The following FAM135B variants were observed in gnomAD, a reference collection of about 807,000 sequenced individuals.
FAM135B encodes family with sequence similarity 135 member B.
In FAM135B, 43 loss-of-function variants were observed where a neutral mutation model predicts 127.7. The ratio of observed to expected loss-of-function variants is 0.34; its 90% CI spans 0.26 to 0.43. The LOEUF (loss-of-function observed/expected upper bound fraction) is 0.43. FAM135B is among the 20% of genes least tolerant of loss of function. FAM135B has a pLI of 1.00. For missense variants in FAM135B, 1,558 were observed against 1,725.6 expected (o/e 0.90, Z 1.72); for synonymous variants, 670 against 665.1 (o/e 1.01, Z -0.11).
intron 7 of FAM135B, among the ~76,000 whole-genome samples, chr8:138,219,531 G>A (rs1818859749): frequency 6.6e-6 from 1 of 152,182 alleles, no homozygotes; most frequent in Admixed American, 6.5e-5. Context: ...CATAAAATCT[G>A]CGTAAATATT....
chr8:138,326,613 G>A (rs568399155), intron 2 of FAM135B, among the ~76,000 whole-genome samples: 2 of 152,212 alleles, frequency 1.3e-5, no homozygotes, highest in East Asian at 1.9e-4. Context: ...CAGAAGGTGG[G>A]AGAAGAGTTG....
chr8:138,137,799 C>A (rs1050590518), intron 18 of FAM135B, among the ~76,000 whole-genome samples: 2 of 152,154 alleles, frequency 1.3e-5, no homozygotes, highest in African/African-American at 4.8e-5. Flanking sequence ...CCCCACAATG[C>A]AGACAGAGGG....
At chr8:138,382,020 T>C (rs1831888303) in intron 1 of FAM135B, among the ~76,000 whole-genome samples, 1 of 152,086 alleles carries the variant, frequency 6.6e-6, no homozygotes, top group South Asian at 2.1e-4. Context: ...AGACATGCTA[T>C]CTGTTTGTGC....
intron 1 of FAM135B, among the ~76,000 whole-genome samples, chr8:138,445,965 A>C (rs1379249228): frequency 1.4e-5 from 2 of 148,024 alleles, no homozygotes; most frequent in African/African-American, 5.3e-5. Flanking sequence ...GTCTCAGCAT[A>C]CAAAATCAAT....
At chr8:138,226,142 G>T (rs1448548679) in intron 7 of FAM135B, among the ~76,000 whole-genome samples, 1 of 126,148 alleles carries the variant, frequency 7.9e-6, no homozygotes, top group East Asian at 2.6e-4. Flanking sequence ...AATTTTCTGG[G>T]GACCCACCGT....
intron 2 of FAM135B, among the ~76,000 whole-genome samples, chr8:138,343,430 G>C (rs559380291): frequency 6.6e-6 from 1 of 152,310 alleles, no homozygotes; most frequent in African/African-American, 2.4e-5. Context: ...AAGGGCCTCA[G>C]GACTCTGAAA....
At chr8:138,334,404 T>C (rs986938059) in intron 2 of FAM135B, among the ~76,000 whole-genome samples, 5 of 152,236 alleles carry the variant, frequency 3.3e-5, no homozygotes, top group African/African-American at 1.2e-4. Context: ...AAAACTTTTA[T>C]TTTAAGTTCA....
intron 3 of FAM135B, among the ~76,000 whole-genome samples, chr8:138,267,050 A>C (rs1822995660): frequency 6.6e-6 from 1 of 152,190 alleles, no homozygotes; most frequent in Non-Finnish European, 1.5e-5. Flanking sequence ...CTAAATATGC[A>C]CTTGTTATGA....
chr8:138,175,384 T>C (rs992796479), intron 11 of FAM135B, among the ~76,000 whole-genome samples: 1 of 152,106 alleles, frequency 6.6e-6, no homozygotes, highest in Non-Finnish European at 1.5e-5. Context: ...TCTGTCTACC[T>C]AAACAATATT....
intron 2 of FAM135B, among the ~76,000 whole-genome samples, chr8:138,366,195 A>G (rs995182528): frequency 2.0e-5 from 3 of 152,190 alleles, no homozygotes; most frequent in Non-Finnish European, 4.4e-5. Context: ...CTATCTGGTA[A>G]ATGAAGATAA....
chr8:138,452,515 C>A lies in FAM135B; in HGVS notation c.-20+44156G>T, dbSNP rs145996298. Among the ~76,000 whole-genome samples, 819 of 152,226 alleles carry A rather than the reference C, an allele frequency of 5.4e-3. 11 individuals carry two copies. Among genetic ancestry groups the A allele is most frequent in the African/African-American group, 0.019 (784 of 41,540 alleles). On this transcript the variant is annotated intron_variant, in intron 1 of 19. Transcript: ENST00000395297. ...AAATAAAAGTGTCCACACCAAGACA[C>A]AAAGAAGTGGCGCGAGCTTCAGCTT...
At chr8:138,149,019 T>C (rs1462926776) in intron 13 of FAM135B, among the ~76,000 whole-genome samples, 3 of 148,324 alleles carry the variant, frequency 2.0e-5, no homozygotes, top group African/African-American at 7.4e-5. Flanking sequence ...TTAGGAGATA[T>C]ACCTAACGTA....
chr8:138,223,673 C>T (rs966031417), intron 7 of FAM135B, among the ~76,000 whole-genome samples: 2 of 152,154 alleles, frequency 1.3e-5, no homozygotes, highest in African/African-American at 4.8e-5. Flanking sequence ...GAGTATTAAA[C>T]AATGACAGAC....
At chr8:138,285,216 G>A (rs1027680963) in intron 3 of FAM135B, among the ~76,000 whole-genome samples, 5 of 122,776 alleles carry the variant, frequency 4.1e-5, no homozygotes, top group South Asian at 5.5e-4. Context: ...GTGCAATCTC[G>A]ACTCACCGCA....
At chr8:138,350,215 CCAGAATATGTTA>C (rs1418834807) in intron 2 of FAM135B, among the ~76,000 whole-genome samples, 1 of 151,998 alleles carries the variant, frequency 6.6e-6, no homozygotes. Context: ...AAGATGAAAC[CCAGAATATGTTA>C]CATGAAGTGC....
chr8:138,238,503 A>AG (rs1820478479), intron 7 of FAM135B, among the ~76,000 whole-genome samples: 2 of 152,138 alleles, frequency 1.3e-5, no homozygotes, highest in Admixed American at 1.3e-4. Flanking sequence ...AGAGGCCACG[A>AG]GGGGAGAGGG....
At chr8:138,326,198 C>A (rs1827788726) in intron 2 of FAM135B, among the ~76,000 whole-genome samples, 1 of 152,114 alleles carries the variant, frequency 6.6e-6, no homozygotes, top group Non-Finnish European at 1.5e-5. Flanking sequence ...AGATGGGGTT[C>A]TAGTTTGCAT....
intron 1 of FAM135B, among the ~76,000 whole-genome samples, chr8:138,387,318 A>T (rs1207222734): frequency 1.3e-5 from 2 of 152,182 alleles, no homozygotes; most frequent in Non-Finnish European, 2.9e-5. Flanking sequence ...ACCTCCCTGC[A>T]GCCACCTGCA....
intron 1 of FAM135B, among the ~76,000 whole-genome samples, chr8:138,471,078 T>C (rs1837648552): frequency 6.6e-6 from 1 of 152,212 alleles, no homozygotes; most frequent in South Asian, 2.1e-4. Context: ...TTAGTCATCA[T>C]GAAATTGCAA....
Sources: allele counts gnomAD v4.1 joint callset (sites outside exome capture counted in the v4.1 genomes callset), GRCh38; gene constraint gnomAD v4.1.1; transcripts MANE v1.5; gene names NCBI Gene and HGNC (gene_info 2026-07-23, HGNC 2026-07-21).